Variants in TCF12 observed in about 807,000 individuals in gnomAD.
TCF12 encodes DNA-binding protein HTF4.
A neutral mutation model predicts 86.0 loss-of-function variants in TCF12; 45 were observed. That is an observed-to-expected ratio of 0.52 (90% CI 0.41 to 0.67). The LOEUF is 0.67. TCF12 is among the 30% of genes least tolerant of loss of function. The pLI is 0.00. For synonymous variants in TCF12, 330 were observed against 299.6 expected, an observed-to-expected ratio of 1.10 and a Z score of -1.05; for missense variants, 881 against 859.9, an observed-to-expected ratio of 1.02 and a Z score of -0.31.
At chr15:56,920,055 T>G in intron 2 of TCF12, 67 bp downstream of exon 2, 2 of 1,586,632 alleles carry the variant, frequency 1.3e-6, no homozygotes, top group Non-Finnish European at 8.6e-7. Context: ...TGTTTGTTTC[T>G]TTTAAATAAA....
rs536313390 is a variant in TCF12, at chr15:57,233,006, ATG to A, written c.970+154_970+155del. On this transcript the variant is annotated intron_variant, in intron 11 of 20. Transcript: ENST00000333725. The stretch of plus-strand genomic sequence containing the variant: ...ATGTATATGTGTGTTATATGTATAT[ATG>A]TGTTATATATGTATATATGTGTGTA... 410 of 410,132 alleles carry A rather than the reference ATG, an allele frequency of 1.0e-3. 1 individual carries two copies. The highest frequency in any genetic ancestry group is 7.9e-3 in the African/African-American group (365 of 46,376). 25.4% of individuals were successfully genotyped at this position (410,132 alleles called of 1,614,324 possible). A position where few individuals can be genotyped will look rare whatever the true frequency, so the allele number is the denominator to read the frequency against.
intron 19 of TCF12, among the ~76,000 whole-genome samples, chr15:57,276,117 G>T (rs2061385929): frequency 6.6e-6 from 1 of 152,190 alleles, no homozygotes; most frequent in Admixed American, 6.5e-5. Flanking sequence ...GGTCAGCTTA[G>T]TCAGGTCACT....
intron 5 of TCF12, among the ~76,000 whole-genome samples, chr15:57,147,899 T>A (rs1008749456): frequency 7.3e-5 from 11 of 150,928 alleles, no homozygotes; most frequent in South Asian, 2.1e-4. Flanking sequence ...TTTTTTTTTT[T>A]AAACAAAGTC....
chr15:57,072,258 A>G (rs763512209), intron 4 of TCF12, among the ~76,000 whole-genome samples: 5 of 152,224 alleles, frequency 3.3e-5, no homozygotes, highest in South Asian at 2.1e-4. Flanking sequence ...ATATAAAATC[A>G]TGTAGACTCA....
chr15:57,286,091 G>T (rs1411854279), intron 20 of TCF12, 66 bp from the exon 21 acceptor site: 1 of 152,672 alleles, frequency 6.5e-6, no homozygotes, highest in African/African-American at 2.4e-5. Context: ...GAGGGGGAAG[G>T]TGTTTTATTT....
rs183106387 is a variant in TCF12 at position 57,252,466 on chromosome 15, A to G, written c.1234A>G (p.Met412Val). 5.6e-5 allele frequency: 90 copies of G among 1,613,950 alleles called. No homozygotes were observed. Among genetic ancestry groups the G allele is most frequent in the Admixed American group, 6.7e-5 (4 of 60,010 alleles). Reference sequence around the variant, plus strand: ...ACTTCACGAGCATTTGCAAGATGCAATGTCCTTCTTAAAGGATGTCTGTGA... The same window carrying G: ...ACTTCACGAGCATTTGCAAGATGCAGTGTCCTTCTTAAAGGATGTCTGTGA... Reference protein sequence around the residue: ...QQLHEHLQDAMSFLKDVCEQS... With the variant: ...QQLHEHLQDAVSFLKDVCEQS... Residue 412 changes from methionine (M) to valine (V), a missense_variant, in exon 15 of 21, where the codon ATG (methionine) becomes GTG (valine). Coordinates refer to ENST00000333725, the MANE Select transcript of TCF12 (RefSeq NM_207037.2).
chr15:57,182,649 T>C (rs1378073549), intron 6 of TCF12, among the ~76,000 whole-genome samples: 1 of 152,158 alleles, frequency 6.6e-6, no homozygotes, highest in Non-Finnish European at 1.5e-5. Flanking sequence ...TGCATCTTTT[T>C]TGGCATTAAT....
At chr15:57,012,511 A>G (rs2064892921) in intron 3 of TCF12, among the ~76,000 whole-genome samples, 1 of 152,212 alleles carries the variant, frequency 6.6e-6, no homozygotes, top group African/African-American at 2.4e-5. Flanking sequence ...AGGAATTATT[A>G]ACAGATTGGA....
intron 3 of TCF12, among the ~76,000 whole-genome samples, chr15:56,952,019 T>C (rs2061297792): frequency 6.6e-6 from 1 of 152,174 alleles, no homozygotes; most frequent in East Asian, 1.9e-4. Flanking sequence ...TTTTGTAATA[T>C]GGTGTGACGT....
At chr15:57,101,599 GCACA>G (rs758097722) in intron 5 of TCF12, among the ~76,000 whole-genome samples, 3 of 152,118 alleles carry the variant, frequency 2.0e-5, no homozygotes, top group Non-Finnish European at 4.4e-5. Context: ...ACGCGTGCGT[GCACA>G]CACACACGTG....
rs571542950 is a variant in TCF12, at chr15:57,059,276, G to A, written c.149-4474G>A. On this transcript the variant is annotated intron_variant, in intron 3 of 20. Transcript: ENST00000333725. ...TGTATGTGATTTTCCCTGTGCCCTT[G>A]CTCCCAACTGTATGTGTGTCTCTTT... 2.0e-5 allele frequency among the ~76,000 whole-genome samples: 3 copies of A among 152,318 alleles called. No homozygotes were observed. The South Asian group carries it at 6.2e-4, about 32-fold the overall frequency.
At chr15:57,131,547 G>T (rs2151348358) in intron 5 of TCF12, among the ~76,000 whole-genome samples, 1 of 152,230 alleles carries the variant, frequency 6.6e-6, no homozygotes, top group South Asian at 2.1e-4. Flanking sequence ...GGTTGTCTTT[G>T]TATCCTCATA....
At chr15:57,282,767 G>A (rs189959797) in intron 20 of TCF12, among the ~76,000 whole-genome samples, 169 bp downstream of exon 20, 1 of 152,340 alleles carries the variant, frequency 6.6e-6, no homozygotes, top group East Asian at 1.9e-4. Context: ...GACTTAGAGA[G>A]CCAGTGTCAT....
chr15:56,928,054 G>C (rs2060092643), intron 3 of TCF12, among the ~76,000 whole-genome samples: 1 of 152,094 alleles, frequency 6.6e-6, no homozygotes, highest in African/African-American at 2.4e-5. Context: ...CTGACTTTTT[G>C]TGAGAGAGAC....
chr15:56,992,105 A>G (rs560200518), intron 3 of TCF12, among the ~76,000 whole-genome samples: 1 of 151,568 alleles, frequency 6.6e-6, no homozygotes, highest in African/African-American at 2.4e-5. Context: ...AAAAAGCCAA[A>G]AAGAAAAAAA....
At chr15:57,217,348 T>C (rs2151845868) in intron 8 of TCF12, among the ~76,000 whole-genome samples, 1 of 152,306 alleles carries the variant, frequency 6.6e-6, no homozygotes, top group East Asian at 1.9e-4. Context: ...TGAATGTATG[T>C]TTATTCTCTT....
intron 3 of TCF12, among the ~76,000 whole-genome samples, chr15:56,976,592 C>A (rs2062619404): frequency 6.6e-6 from 1 of 151,642 alleles, no homozygotes; most frequent in Admixed American, 6.6e-5. Flanking sequence ...TGTATTTAAG[C>A]CCTAATAAAT....
intron 5 of TCF12, among the ~76,000 whole-genome samples, chr15:57,147,314 T>C (rs535425701): frequency 1.3e-5 from 2 of 152,366 alleles, no homozygotes; most frequent in South Asian, 4.1e-4. Context: ...ATCAGTGTAA[T>C]AGTTATCTAA....
chr15:57,262,973 T>C (rs2060658443), intron 17 of TCF12, 139 bp from the exon 18 acceptor site: 1 of 809,756 alleles, frequency 1.2e-6, no homozygotes. Context: ...AATAGTATAC[T>C]TTCCTACATC....
Sources: gnomAD v4.1 joint callset for allele counts (sites outside exome capture counted in the v4.1 genomes callset) on GRCh38, gnomAD v4.1.1 for gene constraint, MANE v1.5 for transcripts, NCBI Gene and HGNC (gene_info 2026-07-23, HGNC 2026-07-21) for gene names.